The following METAP1 variants were observed in gnomAD, a reference collection of about 807,000 sequenced individuals.
METAP1 encodes methionine aminopeptidase 1.
METAP1 carries 28 observed loss-of-function variants against 53.8 expected under a neutral mutation model. The ratio of observed to expected loss-of-function variants is 0.52; its 90% CI spans 0.39 to 0.71. The LOEUF is 0.71. METAP1 is among the 30% of genes least tolerant of loss of function. The probability of loss-of-function intolerance (pLI) is 0.00; values close to 1 mark genes in which losing one functional copy is unlikely to be tolerated. For synonymous variants in METAP1, 181 were observed against 165.7 expected (o/e 1.09, Z -0.71); for missense variants, 389 against 479.8 (o/e 0.81, Z 1.77).
intron 1 of METAP1, among the ~76,000 whole-genome samples, chr4:99,009,643 T>G (rs1158548419): frequency 6.6e-6 from 1 of 152,240 alleles, no homozygotes; most frequent in South Asian, 2.1e-4. Flanking sequence ...ACGTTTCATA[T>G]GCCTGTTGGC....
chr4:99,003,714 T>A (rs1723028397), intron 1 of METAP1, among the ~76,000 whole-genome samples: 1 of 152,208 alleles, frequency 6.6e-6, no homozygotes, highest in Non-Finnish European at 1.5e-5. Context: ...AAACTCAAAC[T>A]TTTTTCCCTC....
chr4:99,030,941 A>G (rs1366790244), intron 2 of METAP1, among the ~76,000 whole-genome samples: 2 of 152,018 alleles, frequency 1.3e-5, no homozygotes. Context: ...TCTGTTTTCT[A>G]GAAGAGATTA....
rs144316365 is a variant in METAP1, at chr4:99,030,118, T to C, written c.166+1200T>C. Among the ~76,000 whole-genome samples the C allele has an allele frequency of 1.2e-3, 178 of 152,308 alleles. 3 individuals are homozygous for C. The highest frequency in any genetic ancestry group is 4.2e-3 in the African/African-American group (173 of 41,582). Reference sequence around the variant, plus strand: ...GTGTTAGGTATTTTGCAGAGCTCTTTGAGCCAGTTACTAGCATTTTATACC... The same window carrying C: ...GTGTTAGGTATTTTGCAGAGCTCTTCGAGCCAGTTACTAGCATTTTATACC... On this transcript the variant is annotated intron_variant, in intron 2 of 10. Coordinates refer to ENST00000296411, the MANE Select transcript of METAP1 (RefSeq NM_015143.3).
chr4:99,010,060 G>T (rs1723393624), intron 1 of METAP1, among the ~76,000 whole-genome samples: 1 of 152,092 alleles, frequency 6.6e-6, no homozygotes, highest in Non-Finnish European at 1.5e-5. Context: ...TTTATATATG[G>T]TTAAGATAAG....
At chr4:99,057,849 A>G in intron 10 of METAP1, 31 bp downstream of exon 10, 1 of 1,542,244 alleles carries the variant, frequency 6.5e-7, no homozygotes, top group Non-Finnish European at 8.8e-7. Flanking sequence ...GATATTTTTC[A>G]ATTGAATTTA....
chr4:99,060,097 T>C (rs984125847), intron 10 of METAP1, among the ~76,000 whole-genome samples: 2 of 152,098 alleles, frequency 1.3e-5, no homozygotes, highest in Non-Finnish European at 2.9e-5. Flanking sequence ...AAGTTTTTTT[T>C]CTGATTTTTT....
At chr4:99,021,703 C>G (rs1724120145) in intron 1 of METAP1, among the ~76,000 whole-genome samples, 1 of 152,200 alleles carries the variant, frequency 6.6e-6, no homozygotes, top group African/African-American at 2.4e-5. Flanking sequence ...GTCCCGTTCC[C>G]ATTGGCTGGG....
intron 1 of METAP1, chr4:99,022,719 G>A (rs979930067): frequency 6.5e-7 from 1 of 1,535,724 alleles, no homozygotes; most frequent in African/African-American, 1.4e-5. Flanking sequence ...AGGTCATAAT[G>A]GGAGGGGCTG....
At chr4:98,998,671 A>G (rs1271244243) in intron 1 of METAP1, among the ~76,000 whole-genome samples, 2 of 152,190 alleles carry the variant, frequency 1.3e-5, no homozygotes, top group Admixed American at 1.3e-4. Flanking sequence ...TTGGGAACAA[A>G]CAGAACAAAA....
At chr4:99,012,277 T>G (rs1004313290) in intron 1 of METAP1, among the ~76,000 whole-genome samples, 7 of 150,984 alleles carry the variant, frequency 4.6e-5, no homozygotes, top group Non-Finnish European at 1.0e-4. Flanking sequence ...GAGTTTTTTT[T>G]TTTTTTTTTT....
At chr4:99,013,875 CTG>C (rs1723610568) in intron 1 of METAP1, among the ~76,000 whole-genome samples, 1 of 152,188 alleles carries the variant, frequency 6.6e-6, no homozygotes. Flanking sequence ...AATGATAAAT[CTG>C]TATGGATTTA....
At chr4:98,999,345 A>T (rs1395136838) in intron 1 of METAP1, among the ~76,000 whole-genome samples, 1 of 151,946 alleles carries the variant, frequency 6.6e-6, no homozygotes, top group Non-Finnish European at 1.5e-5. Context: ...GTATCTTTTT[A>T]AAATGGGGCT....
At chr4:99,026,617 CCT>C (rs1724585402) in intron 1 of METAP1, 3 of 985,218 alleles carry the variant, frequency 3.0e-6, no homozygotes, top group Middle Eastern at 5.2e-4. Context: ...GAAAGATTGC[CCT>C]GTTAAGGAGT....
chr4:99,017,349 GC>G (rs2110297403), intron 1 of METAP1, among the ~76,000 whole-genome samples: 1 of 152,340 alleles, frequency 6.6e-6, no homozygotes, highest in African/African-American at 2.4e-5. Flanking sequence ...CTGACTGAGA[GC>G]AAATAGTTCA....
Position 99,057,811 on chromosome 4 carries a change from T to C in METAP1, c.990T>C (p.Ile330=). ...ATGTATTTACAATTGAGCCAATGAT[T>C]TGTGAAGGTGAGAAAAAAGGATGCC... ...SGHVFTIEPM[I]CEGGWQDETW... is the part of the protein sequence containing the mutation. The change falls in exon 10 of 11, where the codon ATT becomes ATC. Residue 330 remains isoleucine, a synonymous_variant. Coordinates refer to ENST00000296411, the MANE Select transcript of METAP1 (RefSeq NM_015143.3). The C allele has an allele frequency of 6.3e-7, 1 of 1,593,808 alleles. No individual in the cohort carries two copies. Among genetic ancestry groups the C allele is most frequent in the Non-Finnish European group, 8.6e-7 (1 of 1,169,306 alleles).
At chr4:99,037,568 G>A (rs1725523450) in intron 4 of METAP1, among the ~76,000 whole-genome samples, 1 of 151,750 alleles carries the variant, frequency 6.6e-6, no homozygotes. Flanking sequence ...TAAAAAATCA[G>A]CCTTTCCTTA....
chr4:99,045,302 T>C lies in METAP1; in HGVS notation c.779T>C (p.Ile260Thr), dbSNP rs766607278. 27 of 1,613,600 alleles carry C rather than the reference T, an allele frequency of 1.7e-5. No homozygotes were observed. In the South Asian group the frequency reaches 2.4e-4, roughly 14 times the overall value. Residue 260 changes from isoleucine to threonine, a missense_variant, in exon 8 of 11, where the codon ATT becomes ACT. Physicochemically the swap from Ile to Thr is moderately conservative, Grantham distance 89. Transcript: ENST00000296411. ...ACATATGAGTGCCTGATGCAAGCCA[T>C]TGATGCAGGTCAGCCTCAGTGTTGA... Reference protein sequence around the residue: ...QTTYECLMQAIDAVKPGVRYR... With the variant: ...QTTYECLMQATDAVKPGVRYR...
At chr4:99,043,793 A>G (rs1726036568) in intron 7 of METAP1, among the ~76,000 whole-genome samples, 1 of 152,226 alleles carries the variant, frequency 6.6e-6, no homozygotes, top group Non-Finnish European at 1.5e-5. Flanking sequence ...AAAATCTTGC[A>G]GAAGTGCCTT....
In METAP1 at chr4:99,048,748, G is replaced by A. The variant is rs762903274; in HGVS notation, c.803G>A (p.Arg268Gln). 3.1e-6 allele frequency: 5 copies of A among 1,613,746 alleles called. No homozygotes were observed. The highest frequency in any genetic ancestry group is 2.2e-5 in the East Asian group (1 of 44,888). Residue 268 changes from arginine to glutamine, a missense_variant, in exon 9 of 11, where the codon CGG becomes CAG. Arg to Gln is a conservative substitution (Grantham distance 43). Transcript: ENST00000296411. Reference protein sequence around the residue: ...QAIDAVKPGVRYRELGNIIQK... With the variant: ...QAIDAVKPGVQYRELGNIIQK... Reference sequence around the variant, plus strand: ...TTCCTTTCAGTGAAGCCTGGTGTTCGGTACAGAGAATTGGGAAACATTATC... The same window carrying A: ...TTCCTTTCAGTGAAGCCTGGTGTTCAGTACAGAGAATTGGGAAACATTATC...
Sources: allele counts gnomAD v4.1 joint callset (sites outside exome capture counted in the v4.1 genomes callset), GRCh38; gene constraint gnomAD v4.1.1; transcripts MANE v1.5; gene names NCBI Gene and HGNC (gene_info 2026-07-23, HGNC 2026-07-21).